The following HDAC9 variants were observed in gnomAD, a reference collection of about 807,000 sequenced individuals.
HDAC9 encodes the protein histone deacetylase 9.
HDAC9 carries 41 observed loss-of-function variants against 139.4 expected under a neutral mutation model. That is an observed-to-expected ratio of 0.29 (90% CI 0.23 to 0.38). The LOEUF (loss-of-function observed/expected upper bound fraction) is 0.38, where lower values mean the gene tolerates loss of function less well. HDAC9 is among the 10% of genes least tolerant of loss of function. HDAC9 has a pLI of 1.00. For synonymous variants in HDAC9, 517 were observed against 476.2 expected (o/e 1.09, Z -1.12); for missense variants, 1,147 against 1,297.0 (o/e 0.88, Z 1.78).
chr7:18,956,855 C>T (rs765711894), intron 24 of HDAC9, among the ~76,000 whole-genome samples: 5 of 152,072 alleles, frequency 3.3e-5, no homozygotes, highest in Non-Finnish European at 7.4e-5. Context: ...GGCATTCAGC[C>T]TGCATGGTCA....
chr7:18,848,455 G>A (rs1797052486), intron 21 of HDAC9, among the ~76,000 whole-genome samples: 1 of 151,918 alleles, frequency 6.6e-6, no homozygotes. Context: ...GCCCTTATGA[G>A]CAGTGACACC....
chr7:18,192,474 A>G (rs1790420992), intron 2 of HDAC9, among the ~76,000 whole-genome samples: 1 of 152,146 alleles, frequency 6.6e-6, no homozygotes, highest in Non-Finnish European at 1.5e-5. Context: ...GCACCCTGGG[A>G]AAATCACTGG....
intron 25 of HDAC9, among the ~76,000 whole-genome samples, chr7:18,980,289 A>T (rs911444829): frequency 6.6e-6 from 1 of 152,222 alleles, no homozygotes; most frequent in Non-Finnish European, 1.5e-5. Flanking sequence ...CTTTGAAAAA[A>T]GAAACAAAAT....
intron 25 of HDAC9, among the ~76,000 whole-genome samples, chr7:18,982,314 T>C (rs1382558895): frequency 6.6e-6 from 1 of 152,094 alleles, no homozygotes; most frequent in African/African-American, 2.4e-5. Flanking sequence ...GCATATCTGG[T>C]CATGCCTCTG....
intron 1 of HDAC9, among the ~76,000 whole-genome samples, chr7:18,389,233 A>G (rs540096836): frequency 9.2e-5 from 14 of 152,186 alleles, no homozygotes; most frequent in Non-Finnish European, 1.6e-4. Flanking sequence ...CAAGTTGTCA[A>G]TTCACTTTCT....
upstream of HDAC9, among the ~76,000 whole-genome samples, chr7:18,495,289 A>G (rs1796709078): frequency 6.6e-6 from 1 of 152,128 alleles, no homozygotes; most frequent in African/African-American, 2.4e-5. Flanking sequence ...AAAAGCTTCC[A>G]GTATTATTTT....
At chr7:18,946,116 A>T (rs1436847610) in intron 23 of HDAC9, among the ~76,000 whole-genome samples, 1 of 146,350 alleles carries the variant, frequency 6.8e-6, no homozygotes, top group African/African-American at 2.5e-5. Context: ...AACTTTATCC[A>T]TGTATACATG....
At position 18,760,081 on chromosome 7, in the gene HDAC9, G is replaced by C. The variant is rs187182668; in HGVS notation, c.2044-2076G>C. On this transcript the variant is annotated intron_variant, in intron 14 of 25. Coordinates refer to ENST00000686413, the MANE Select transcript of HDAC9 (RefSeq NM_178425.4). ...TTGTTGAAAATACTGATGTTTCACT[G>C]TATCAGCATATACGATGTTAGTGGC... is the stretch of plus-strand genomic sequence containing the variant. Among the ~76,000 whole-genome samples, 10 of 152,264 alleles carry C rather than the reference G, an allele frequency of 6.6e-5. No individual in the cohort carries two copies. In the East Asian group the frequency reaches 1.9e-3, roughly 29 times the overall value.
intron 22 of HDAC9, among the ~76,000 whole-genome samples, chr7:18,877,721 T>C (rs537402129): frequency 6.6e-6 from 1 of 152,280 alleles, no homozygotes; most frequent in South Asian, 2.1e-4. Context: ...TGAAAAATAA[T>C]AATAAAAGGT....
intron 2 of HDAC9, among the ~76,000 whole-genome samples, chr7:18,503,363 A>G (rs1052637887): frequency 6.6e-6 from 1 of 152,206 alleles, no homozygotes; most frequent in Non-Finnish European, 1.5e-5. Flanking sequence ...TTCTTCTTCA[A>G]CTAAGTTGGT....
chr7:18,532,264 C>G (rs1303504036), intron 2 of HDAC9, among the ~76,000 whole-genome samples: 3 of 151,850 alleles, frequency 2.0e-5, no homozygotes, highest in African/African-American at 2.4e-5. Context: ...AACAAAAAAC[C>G]AAAACAAACA....
At chr7:18,958,372 C>G (rs1783303752) in intron 24 of HDAC9, among the ~76,000 whole-genome samples, 1 of 152,068 alleles carries the variant, frequency 6.6e-6, no homozygotes. Context: ...GAAGACTTAT[C>G]AGAAAGAATT....
chr7:18,169,927 C>T (rs2128132735), intron 2 of HDAC9, among the ~76,000 whole-genome samples: 1 of 152,282 alleles, frequency 6.6e-6, no homozygotes, highest in Non-Finnish European at 1.5e-5. Flanking sequence ...CATACATGTG[C>T]ATGTGTCTTT....
intron 22 of HDAC9, among the ~76,000 whole-genome samples, chr7:18,931,892 T>C (rs1319020118): frequency 6.6e-6 from 1 of 152,142 alleles, no homozygotes; most frequent in South Asian, 2.1e-4. Context: ...AGGGCAGTCA[T>C]TGATTCTGTC....
intron 1 of HDAC9, among the ~76,000 whole-genome samples, chr7:18,124,234 A>G (rs748060024): frequency 3.9e-5 from 6 of 152,180 alleles, no homozygotes; most frequent in Non-Finnish European, 8.8e-5. Flanking sequence ...AAGAAGGTGG[A>G]ATATCTGTTG....
At chr7:18,189,920 GGTGT>G (rs35060071) in intron 2 of HDAC9, among the ~76,000 whole-genome samples, 3,749 of 144,960 alleles carry the variant, frequency 0.026, 153 homozygotes, top group African/African-American at 0.088. Context: ...ACTTGTGTGT[GGTGT>G]GTGTGTGTGT....
intron 2 of HDAC9, among the ~76,000 whole-genome samples, chr7:18,282,667 A>G (rs1797175033): frequency 6.6e-6 from 1 of 152,124 alleles, no homozygotes; most frequent in African/African-American, 2.4e-5. Flanking sequence ...AGGCAAAAGG[A>G]TGTTGCAATT....
At position 18,670,739 on chromosome 7, in the gene HDAC9, A is replaced by G. The variant is rs111898094; in HGVS notation, c.1731+4263A>G. 2.6e-4 allele frequency among the ~76,000 whole-genome samples: 40 copies of G among 152,108 alleles called. 2 individuals are homozygous for G. The highest frequency in any genetic ancestry group is 9.6e-4 in the African/African-American group (40 of 41,534). On this transcript the variant is annotated intron_variant, in intron 12 of 25. Coordinates refer to ENST00000686413, the MANE Select transcript of HDAC9 (RefSeq NM_178425.4). ...CAACGATTCTTTATATCTGCCCGAT[A>G]TGCTTACTTCTGTCCAATTTATTCA...
intron 2 of HDAC9, among the ~76,000 whole-genome samples, chr7:18,225,544 C>A (rs142409646): frequency 3.3e-5 from 5 of 152,112 alleles, no homozygotes; most frequent in African/African-American, 9.6e-5. Context: ...TATATTTTTT[C>A]TTTCAAGTCT....
Sources: gnomAD v4.1 joint callset for allele counts (sites outside exome capture counted in the v4.1 genomes callset) on GRCh38, gnomAD v4.1.1 for gene constraint, MANE v1.5 for transcripts, NCBI Gene and HGNC (gene_info 2026-07-23, HGNC 2026-07-21) for gene names.